Variants in TEX14 observed in about 807,000 individuals in gnomAD.
TEX14 encodes testis expressed 14, intercellular bridge forming factor.
A neutral mutation model predicts 178.6 loss-of-function variants in TEX14; 168 were observed. That is an observed-to-expected ratio of 0.94 (90% CI 0.83 to 1.07). The LOEUF (loss-of-function observed/expected upper bound fraction) is 1.07, where lower values mean the gene tolerates loss of function less well. Among genes scored for constraint, TEX14 ranks in the 50% least tolerant of loss-of-function variants. The pLI, the probability that TEX14 is intolerant of heterozygous loss-of-function variation, is 0.00. For missense variants in TEX14, 1,730 were observed against 1,753.6 expected (o/e 0.99, Z 0.24); for synonymous variants, 626 against 634.1 (o/e 0.99, Z 0.19).
chr17:58,667,493 T>C (rs1451912562), intron 1 of TEX14, among the ~76,000 whole-genome samples: 2 of 152,168 alleles, frequency 1.3e-5, no homozygotes, highest in Admixed American at 1.3e-4. Context: ...ACATCTACTG[T>C]TTACCATGCA....
Position 58,598,932 on chromosome 17 carries a change from C to T in TEX14, c.2413G>A (p.Gly805Ser), listed in dbSNP as rs780272938. 1.4e-5 allele frequency: 23 copies of T among 1,613,796 alleles called. 2 individuals are homozygous for T. The South Asian group carries it at 2.3e-4, about 16-fold the overall frequency. ...TTGCCACTGGTGTCTGGCTTCTGAC[C>T]CCCTGAAAGCTGTAGGACAGGAGGA... Reference protein sequence around the residue: ...YIPPVLQLSGGQKPDTSGNYP... With the variant: ...YIPPVLQLSGSQKPDTSGNYP... Residue 805 changes from glycine to serine, a missense_variant, in exon 14 of 32, where the codon GGT becomes AGT. Coordinates refer to ENST00000349033, the MANE Select transcript of TEX14 (RefSeq NM_031272.5).
Position 58,631,843 on chromosome 17 carries a change from C to G in TEX14, c.137-1289G>C, listed in dbSNP as rs554296949. The G allele has an allele frequency of 2.0e-5, 3 of 152,260 alleles. No homozygotes were observed. In the East Asian group the frequency reaches 5.8e-4, roughly 29 times the overall value. The allele number at this position is 152,260 out of a possible 1,614,324, so 9.4% of individuals were successfully genotyped here. The stretch of plus-strand genomic sequence containing the variant: ...TCCCTCAAAATATAGTCTTAATGTC[C>G]ATTTATGTGCCTTCCACATGCGAAA... On this transcript the variant is annotated intron_variant, in intron 2 of 31. Transcript: ENST00000349033.
intron 5 of TEX14, among the ~76,000 whole-genome samples, chr17:58,618,805 G>A (rs1266936879): frequency 6.6e-6 from 1 of 152,206 alleles, no homozygotes; most frequent in Non-Finnish European, 1.5e-5. Flanking sequence ...GCTTTAAGCT[G>A]CTATGCTATT....
chr17:58,570,143 T>A (rs938097173), intron 25 of TEX14, among the ~76,000 whole-genome samples: 1 of 145,654 alleles, frequency 6.9e-6, no homozygotes, highest in Non-Finnish European at 1.5e-5. Context: ...TATTATATAT[T>A]TATAAAAATA....
intron 10 of TEX14, among the ~76,000 whole-genome samples, chr17:58,609,107 G>A (rs1046881304): frequency 1.3e-5 from 2 of 152,036 alleles, no homozygotes; most frequent in Admixed American, 6.6e-5. Flanking sequence ...ATACCCTAAC[G>A]GCTCCCCTGC....
intron 2 of TEX14, among the ~76,000 whole-genome samples, chr17:58,651,561 G>A (rs965302485): frequency 1.3e-5 from 2 of 152,146 alleles, no homozygotes; most frequent in African/African-American, 2.4e-5. Flanking sequence ...AATGGATGGA[G>A]CAGATTTCAA....
At chr17:58,620,293 G>T (rs537078499) in intron 5 of TEX14, among the ~76,000 whole-genome samples, 1 of 152,060 alleles carries the variant, frequency 6.6e-6, no homozygotes, top group African/African-American at 2.4e-5. Flanking sequence ...AGTTTTAGCA[G>T]AGTGGTACAA....
intron 8 of TEX14, 45 bp from the exon 9 acceptor site, chr17:58,613,589 T>C (rs1382880811): frequency 1.9e-6 from 3 of 1,577,328 alleles, no homozygotes; most frequent in Non-Finnish European, 2.6e-6. Flanking sequence ...GAGAGGAGGA[T>C]ATGATGAAAA....
At chr17:58,602,619 A>G in intron 11 of TEX14, 29 bp from the exon 12 acceptor site, 1 of 1,578,668 alleles carries the variant, frequency 6.3e-7, no homozygotes, top group African/African-American at 1.4e-5. Flanking sequence ...ACAAAAGAGT[A>G]AATTAGGAAA....
chr17:58,591,441 C>T (rs977184928), intron 15 of TEX14, among the ~76,000 whole-genome samples: 1 of 152,114 alleles, frequency 6.6e-6, no homozygotes, highest in Non-Finnish European at 1.5e-5. Flanking sequence ...TCGCTTGAAC[C>T]TGGGAGGTGG....
chr17:58,655,900 TCTC>T (rs1161200772), intron 1 of TEX14, among the ~76,000 whole-genome samples: 1 of 152,186 alleles, frequency 6.6e-6, no homozygotes, highest in African/African-American at 2.4e-5. Flanking sequence ...CCCTTTCCCT[TCTC>T]CTGATCTGTT....
At chr17:58,679,083 G>C (rs1171330091) in intron 1 of TEX14, among the ~76,000 whole-genome samples, 1 of 152,100 alleles carries the variant, frequency 6.6e-6, no homozygotes, top group East Asian at 1.9e-4. Context: ...GAACCCTTGA[G>C]GCTGAGGTTG....
At chr17:58,678,716 C>G (rs893376530) in intron 1 of TEX14, among the ~76,000 whole-genome samples, 4 of 151,636 alleles carry the variant, frequency 2.6e-5, no homozygotes, top group Non-Finnish European at 5.9e-5. Context: ...GGAGACATAC[C>G]TAATGTAAAT....
intron 1 of TEX14, among the ~76,000 whole-genome samples, chr17:58,673,344 G>A (rs964111706): frequency 3.3e-5 from 5 of 151,730 alleles, no homozygotes; most frequent in African/African-American, 4.8e-5. Flanking sequence ...TTAGCCAGGC[G>A]TAGTGGTGCA....
chr17:58,666,014 A>G (rs574943378), intron 1 of TEX14, among the ~76,000 whole-genome samples: 5 of 149,790 alleles, frequency 3.3e-5, no homozygotes, highest in African/African-American at 1.2e-4. Flanking sequence ...GTGCCACTCA[A>G]CTCCAGCCTG....
At chr17:58,574,145 C>T in intron 22 of TEX14, 42 bp downstream of exon 22, 1 of 1,516,908 alleles carries the variant, frequency 6.6e-7, no homozygotes, top group Non-Finnish European at 9.2e-7. Flanking sequence ...AAAACCAAGA[C>T]TTTACACAAG....
chr17:58,657,110 A>T (rs886792514), intron 1 of TEX14, among the ~76,000 whole-genome samples: 3 of 151,784 alleles, frequency 2.0e-5, no homozygotes, highest in Non-Finnish European at 4.4e-5. Context: ...TGCTGGCCAA[A>T]TCTGGTTTTA....
intron 1 of TEX14, among the ~76,000 whole-genome samples, chr17:58,690,758 G>T (rs1252639573): frequency 1.3e-5 from 2 of 152,128 alleles, no homozygotes; most frequent in Non-Finnish European, 2.9e-5. Flanking sequence ...ACCAAATGGG[G>T]TATAAATGCT....
chr17:58,655,031 C>CT (rs1188938621), intron 1 of TEX14, among the ~76,000 whole-genome samples: 42,655 of 130,792 alleles, frequency 0.33, 7,413 homozygotes, highest in East Asian at 0.47. Context: ...AAACTCCCTT[C>CT]TTTTTTTTTT....
Sources: allele counts gnomAD v4.1 joint callset (sites outside exome capture counted in the v4.1 genomes callset), GRCh38; gene constraint gnomAD v4.1.1; transcripts MANE v1.5; gene names NCBI Gene and HGNC (gene_info 2026-07-23, HGNC 2026-07-21).